Variants in KIAA0825 observed in about 807,000 individuals in gnomAD.
The protein encoded by KIAA0825 is uncharacterized protein KIAA0825.
In KIAA0825, 119 loss-of-function variants were observed where a neutral mutation model predicts 147.6. That is an observed-to-expected ratio of 0.81 (90% CI 0.69 to 0.94). KIAA0825 has a LOEUF of 0.94. KIAA0825 is among the 40% of genes least tolerant of loss of function. The probability of loss-of-function intolerance (pLI) is 0.00; values close to 1 mark genes in which losing one functional copy is unlikely to be tolerated. For missense variants in KIAA0825, 1,381 were observed against 1,472.7 expected (o/e 0.94, Z 1.02); for synonymous variants, 470 against 518.1 (o/e 0.91, Z 1.26).
intron 14 of KIAA0825, among the ~76,000 whole-genome samples, chr5:94,436,989 G>T (rs1177755527): frequency 6.6e-6 from 1 of 151,954 alleles, no homozygotes; most frequent in Non-Finnish European, 1.5e-5. Context: ...ACTTTGCTGA[G>T]GTTGCTTATT....
intron 20 of KIAA0825, among the ~76,000 whole-genome samples, chr5:94,221,106 T>C (rs1313222145): frequency 6.6e-6 from 1 of 152,162 alleles, no homozygotes; most frequent in Non-Finnish European, 1.5e-5. Context: ...TATTAAGTGT[T>C]GCATTTCAGT....
chr5:94,250,162 C>T (rs573309017), intron 20 of KIAA0825, among the ~76,000 whole-genome samples: 5 of 152,162 alleles, frequency 3.3e-5, no homozygotes, highest in African/African-American at 4.8e-5. Context: ...AACCCTCATT[C>T]GGCTGTGATT....
intron 18 of KIAA0825, among the ~76,000 whole-genome samples, chr5:94,389,930 A>G (rs1055673007): frequency 2.0e-5 from 3 of 152,186 alleles, no homozygotes; most frequent in African/African-American, 7.2e-5. Flanking sequence ...ACTTAGCTCT[A>G]TATCCCATCT....
chr5:94,447,308 AG>A (rs1229015839), intron 13 of KIAA0825, among the ~76,000 whole-genome samples: 1 of 152,148 alleles, frequency 6.6e-6, no homozygotes, highest in African/African-American at 2.4e-5. Context: ...TCAAGAAAAA[AG>A]GTTACAGTAT....
intron 20 of KIAA0825, among the ~76,000 whole-genome samples, chr5:94,281,910 A>G (rs1416760111): frequency 6.6e-6 from 1 of 151,948 alleles, no homozygotes; most frequent in Non-Finnish European, 1.5e-5. Context: ...ATCTTGTTCC[A>G]TGTTCTCCCC....
intron 2 of KIAA0825, among the ~76,000 whole-genome samples, chr5:94,557,844 C>G (rs1247581788): frequency 6.6e-6 from 1 of 152,204 alleles, no homozygotes; most frequent in African/African-American, 2.4e-5. Flanking sequence ...TGCAACTGCA[C>G]TCTTTTCTGG....
rs72773512 is a variant in KIAA0825 at position 94,615,048 on chromosome 5, T to C, written c.-153+3452A>G. On this transcript the variant is annotated intron_variant, in intron 1 of 20. Coordinates refer to ENST00000682413, the MANE Select transcript of KIAA0825 (RefSeq NM_001145678.3). ...AAGCTCACAAAGGTTCAGTGACTTA[T>C]TAGTGTCATAGCTGGTAAAAAAAAA... Among the ~76,000 whole-genome samples the C allele has an allele frequency of 9.8e-3, 1,489 of 151,916 alleles. 7 individuals carry two copies. The highest frequency in any genetic ancestry group is 0.016 in the Non-Finnish European group (1,068 of 67,942).
intron 20 of KIAA0825, among the ~76,000 whole-genome samples, chr5:94,158,327 C>CT (rs971535662): frequency 6.6e-6 from 1 of 152,028 alleles, no homozygotes; most frequent in Non-Finnish European, 1.5e-5. Flanking sequence ...ACTATTTGGA[C>CT]TTTTTTTGGA....
At chr5:94,242,588 T>C (rs1479488854) in intron 20 of KIAA0825, among the ~76,000 whole-genome samples, 1 of 151,822 alleles carries the variant, frequency 6.6e-6, no homozygotes, top group African/African-American at 2.4e-5. Flanking sequence ...CTTTTTTTCT[T>C]TCCTTCTTTC....
intron 5 of KIAA0825, among the ~76,000 whole-genome samples, chr5:94,497,275 T>C (rs1764492012): frequency 6.6e-6 from 1 of 152,160 alleles, no homozygotes; most frequent in Non-Finnish European, 1.5e-5. Flanking sequence ...GAGATTCATT[T>C]TGGAATAATA....
intron 3 of KIAA0825, among the ~76,000 whole-genome samples, chr5:94,529,318 A>G (rs531232743): frequency 2.1e-5 from 3 of 144,962 alleles, no homozygotes; most frequent in African/African-American, 7.7e-5. Context: ...TATATCATAT[A>G]TATGTATATA....
intron 5 of KIAA0825, among the ~76,000 whole-genome samples, chr5:94,502,425 A>G (rs911081451): frequency 2.0e-5 from 3 of 152,218 alleles, no homozygotes; most frequent in African/African-American, 7.2e-5. Flanking sequence ...GAAGGTGGTC[A>G]CAAAATATTA....
intron 12 of KIAA0825, among the ~76,000 whole-genome samples, chr5:94,461,574 C>G (rs62364609): frequency 0.26 from 39,121 of 151,720 alleles, 5,315 homozygotes; most frequent in Non-Finnish European, 0.31. Flanking sequence ...TATTGAAAGT[C>G]AGAGTAGGTG....
chr5:94,590,198 T>G (rs1561362652), intron 1 of KIAA0825, among the ~76,000 whole-genome samples: 1 of 152,162 alleles, frequency 6.6e-6, no homozygotes, highest in African/African-American at 2.4e-5. Context: ...TTTCGCAATG[T>G]TGGCCAGGCT....
chr5:94,398,410 T>G (rs1236098396), intron 16 of KIAA0825, among the ~76,000 whole-genome samples: 13 of 151,756 alleles, frequency 8.6e-5, no homozygotes. Flanking sequence ...ACCTTTAACA[T>G]GCTTTATCCT....
At chr5:94,594,357 C>T (rs1784884713) in intron 1 of KIAA0825, 3 of 746,206 alleles carry the variant, frequency 4.0e-6, no homozygotes, top group Middle Eastern at 4.9e-4. Context: ...AGCACAACAG[C>T]AGATTTATAA....
At position 94,375,659 on chromosome 5, in the gene KIAA0825, G is replaced by C. The variant is rs117270192; in HGVS notation, c.3710+8709C>G. Among the ~76,000 whole-genome samples, 245 of 152,290 alleles carry C rather than the reference G, an allele frequency of 1.6e-3. 2 individuals are homozygous for C. The East Asian group carries it at 0.044, about 27-fold the overall frequency. On this transcript the variant is annotated intron_variant, in intron 20 of 20. Transcript: ENST00000682413. The stretch of plus-strand genomic sequence containing the variant: ...GGATTGGAGATGATAAAACAAAATT[G>C]AGGTTTAGGAAGGAAAGCTGGGAGT...
chr5:94,214,169 T>A (rs1772999418), intron 20 of KIAA0825, among the ~76,000 whole-genome samples: 2 of 152,118 alleles, frequency 1.3e-5, no homozygotes, highest in Non-Finnish European at 2.9e-5. Flanking sequence ...GATAATTTTT[T>A]AATTAGTACA....
In KIAA0825 at chr5:94,562,269, A is replaced by T. The variant is rs923049951; in HGVS notation, c.-2+20164T>A. Among the ~76,000 whole-genome samples, 8 of 152,350 alleles carry T rather than the reference A, an allele frequency of 5.3e-5. No homozygotes were observed. The East Asian group carries it at 1.5e-3, about 29-fold the overall frequency. On this transcript the variant is annotated intron_variant, in intron 2 of 20. Coordinates refer to ENST00000682413, the MANE Select transcript of KIAA0825 (RefSeq NM_001145678.3). ...ATTTGTCAGTGGTTAAGACAAATTC[A>T]TATGAAATAACTTGAAAATCTATTT...
Sources: allele counts gnomAD v4.1 joint callset (sites outside exome capture counted in the v4.1 genomes callset), GRCh38; gene constraint gnomAD v4.1.1; transcripts MANE v1.5; gene names NCBI Gene and HGNC (gene_info 2026-07-23, HGNC 2026-07-21).